MCM3AP: variants seen among roughly 807,000 people sequenced by gnomAD.
The protein encoded by MCM3AP is germinal-center associated nuclear protein.
MCM3AP carries 126 observed loss-of-function variants against 184.1 expected under a neutral mutation model. That is an observed-to-expected ratio of 0.68 (90% CI 0.59 to 0.79). MCM3AP has a LOEUF of 0.79. Among genes scored for constraint, MCM3AP ranks in the 30% least tolerant of loss-of-function variants. The pLI is 0.00. For synonymous variants in MCM3AP, 1,002 were observed against 979.3 expected, an observed-to-expected ratio of 1.02 and a Z score of -0.43; for missense variants, 2,496 against 2,479.2, an observed-to-expected ratio of 1.01 and a Z score of -0.14.
Position 46,280,530 on chromosome 21 carries a change from C to G in MCM3AP, c.1489G>C (p.Asp497His). 7 of 1,612,870 alleles carry G rather than the reference C, an allele frequency of 4.3e-6. No individual in the cohort carries two copies. The highest frequency in any genetic ancestry group is 5.9e-6 in the Non-Finnish European group (7 of 1,179,150). The change falls in exon 3 of 28, where the codon GAC (aspartate) becomes CAC (histidine). Residue 497 changes from aspartate to histidine, a missense_variant. Physicochemically the swap from Asp to His is moderately conservative, Grantham distance 81. Coordinates refer to ENST00000291688, the MANE Select transcript of MCM3AP (RefSeq NM_003906.5). The part of the protein sequence containing the change: ...ARKKGKSLHK[D>H]MAIFWHRKKI... ...TTCCTGTGCCAAAAGATAGCCATGT[C>G]TTTATGCAAACTTTTCCCCTTCTTT... is the stretch of plus-strand genomic sequence containing the variant.
Position 46,240,796 on chromosome 21 carries a change from G to A in MCM3AP, c.5633+15C>T, listed in dbSNP as rs1569049718. 3 of 1,610,764 alleles carry A rather than the reference G, an allele frequency of 1.9e-6. No homozygotes were observed. Among genetic ancestry groups the A allele is most frequent in the Non-Finnish European group, 8.5e-7 (1 of 1,177,866 alleles). On this transcript the variant is annotated intron_variant, in intron 26 of 27. Coordinates refer to ENST00000291688, the MANE Select transcript of MCM3AP (RefSeq NM_003906.5). ...CAGACTAAACACACATGAATTAGAAGGAAGTGGGCTTCACCTCTTGTTCTC... is the reference window on the plus strand; with the variant it reads ...CAGACTAAACACACATGAATTAGAAAGAAGTGGGCTTCACCTCTTGTTCTC...
chr21:46,244,115 T>C (rs1282257935), intron 23 of MCM3AP, among the ~76,000 whole-genome samples: 1 of 152,246 alleles, frequency 6.6e-6, no homozygotes, highest in African/African-American at 2.4e-5. Context: ...CCTTCAATAA[T>C]GAGCATGAGT....
rs1273503798 is a variant in MCM3AP at position 46,265,321 on chromosome 21, C to A, written c.3234G>T (p.Glu1078Asp). The change falls in exon 12 of 28, where the codon GAG (glutamate) becomes GAT (aspartate). Residue 1078 changes from glutamate to aspartate, a missense_variant and splice_region_variant. Around this residue, in one of 5 missense-constraint regions of MCM3AP, gnomAD observed 1,323 missense variants for 1,273.4 expected, o/e 1.04. Transcript: ENST00000291688. ...AGACCTAGAAAAAAAGAGTCCCTAC[C>A]TCGTCAGAGTACATGGGCACGGGCT... is the stretch of plus-strand genomic sequence containing the variant. ...PPEPVPMYSD[E>D]DLAQVVDELI... 11 of 1,613,756 alleles carry A rather than the reference C, an allele frequency of 6.8e-6. No individual in the cohort carries two copies. The highest frequency in any genetic ancestry group is 9.3e-6 in the Non-Finnish European group (11 of 1,179,922).
intron 25 of MCM3AP, chr21:46,241,321 C>T (rs3788252): frequency 0.43 from 116,865 of 269,346 alleles, 25,927 homozygotes; most frequent in Admixed American, 0.5. Flanking sequence ...GTTTTTGGAG[C>T]TTCTCTGCTT....
rs754795481 is a variant in MCM3AP, at chr21:46,284,870, A to C, written c.417T>G (p.Phe139Leu). ...GTTTAAAGCTGAATTCTGTTTTCCC[A>C]AAACCAGAGTTCACTATTTCTCCAG... ...QEAGEIVNSG[F>L]GKTEFSFKPL... The change falls in exon 1 of 28, where the codon TTT becomes TTG. Residue 139 changes from phenylalanine to leucine, a missense_variant. This residue lies in a region of MCM3AP where 800 missense variants were observed against 717.1 expected (regional missense o/e 1.12). Coordinates refer to ENST00000291688, the MANE Select transcript of MCM3AP (RefSeq NM_003906.5). 1.2e-6 allele frequency: 2 copies of C among 1,614,158 alleles called. No individual in the cohort carries two copies. The highest frequency in any genetic ancestry group is 3.3e-5 in the Admixed American group (2 of 60,024).
At chr21:46,261,455 C>T (rs1295232584) in intron 13 of MCM3AP, 44 bp from the exon 14 acceptor site, 19 of 1,600,832 alleles carry the variant, frequency 1.2e-5, no homozygotes, top group Admixed American at 1.7e-5. Flanking sequence ...AGAGTCAAGG[C>T]CGGGTGCGGT....
In MCM3AP at chr21:46,277,697, C is replaced by T. The variant is rs752179890; in HGVS notation, c.1688G>A (p.Ser563Asn). Residue 563 changes from serine (S) to asparagine (N), a missense_variant, in exon 5 of 28, where the codon AGT becomes AAT. Coordinates refer to ENST00000291688, the MANE Select transcript of MCM3AP (RefSeq NM_003906.5). The part of the protein sequence containing the change: ...LNKSSPVKKP[S>N]LLKAHQFEGD... ...CTCGAATTGGTGGGCCTTTAGAAGA[C>T]TTGGCTTCTTCACTGGAGAGCTATA... 29 of 1,592,358 alleles carry T rather than the reference C, an allele frequency of 1.8e-5. No individual in the cohort carries two copies. The highest frequency in any genetic ancestry group is 1.7e-4 in the Middle Eastern group (1 of 5,982).
At chr21:46,278,894 C>T (rs1038956231) in intron 4 of MCM3AP, among the ~76,000 whole-genome samples, 3 of 148,670 alleles carry the variant, frequency 2.0e-5, no homozygotes, top group African/African-American at 5.0e-5. Context: ...AGGATGGTCT[C>T]AATCTCCTGA....
Position 46,285,205 on chromosome 21 carries a change from T to G in MCM3AP, c.82A>C (p.Lys28Gln), listed in dbSNP as rs149326194. The G allele has an allele frequency of 1.3e-4, 217 of 1,614,122 alleles. 1 individual carries two copies. Among genetic ancestry groups the G allele is most frequent in the Admixed American group, 2.8e-4 (17 of 60,012 alleles). The change falls in exon 1 of 28, where the codon AAG (lysine) becomes CAG (glutamine). Residue 28 changes from lysine to glutamine, a missense_variant. Physicochemically the swap from Lys to Gln is moderately conservative, Grantham distance 53. Coordinates refer to ENST00000291688, the MANE Select transcript of MCM3AP (RefSeq NM_003906.5). Reference sequence around the variant, plus strand: ...GGTTGACCAAATCGAAATGGCGGCTTAGATGGAAGTGTTCCTACATTACTA... The same window carrying G: ...GGTTGACCAAATCGAAATGGCGGCTGAGATGGAAGTGTTCCTACATTACTA... The part of the protein sequence containing the change: ...SSSNVGTLPS[K>Q]PPFRFGQPSL...
At position 46,244,806 on chromosome 21, in the gene MCM3AP, C is replaced by T. The variant is rs1407813574; in HGVS notation, c.5038+1G>A. Reference sequence around the variant, plus strand: ...CAGACCTCCCCAGGTCAAGCACGTACCCCCCAGGGGTGGAAGGTCCATCTG... The same window carrying T: ...CAGACCTCCCCAGGTCAAGCACGTATCCCCCAGGGGTGGAAGGTCCATCTG... On this transcript the variant is annotated splice_donor_variant, in intron 23 of 27. Transcript: ENST00000291688. LOFTEE classifies it high-confidence loss of function. The T allele has an allele frequency of 6.2e-7, 1 of 1,606,446 alleles. No individual in the cohort carries two copies. Among genetic ancestry groups the T allele is most frequent in the Non-Finnish European group, 8.5e-7 (1 of 1,175,538 alleles).
intron 24 of MCM3AP, 78 bp downstream of exon 24, chr21:46,243,387 C>G (rs1231538199): frequency 1.3e-6 from 2 of 1,492,892 alleles, no homozygotes; most frequent in Non-Finnish European, 1.8e-6. Context: ...GCAACATCAA[C>G]TAAACATCTT....
At chr21:46,262,383 C>T (rs1417896788) in intron 13 of MCM3AP, among the ~76,000 whole-genome samples, 1 of 152,184 alleles carries the variant, frequency 6.6e-6, no homozygotes, top group Non-Finnish European at 1.5e-5. Flanking sequence ...CACAGTGGCT[C>T]ATGCCTGTCA....
intron 16 of MCM3AP, among the ~76,000 whole-genome samples, chr21:46,258,538 C>T (rs1043825622): frequency 6.6e-6 from 1 of 152,104 alleles, no homozygotes; most frequent in African/African-American, 2.4e-5. Flanking sequence ...TGTATATTCC[C>T]TATTAATTGC....
At position 46,280,688 on chromosome 21, in the gene MCM3AP, C is replaced by T. The variant is rs1024240241; in HGVS notation, c.1444-113G>A. On this transcript the variant is annotated intron_variant, in intron 2 of 27. Transcript: ENST00000291688. ...AGACCATTCAAAGGCACCAGGAGCT[C>T]CTGTCCTTTGCACGACAGTGATTTC... is the stretch of plus-strand genomic sequence containing the variant. 9.9e-6 allele frequency: 7 copies of T among 709,374 alleles called. No homozygotes were observed. The African/African-American group carries it at 1.2e-4, about 13-fold the overall frequency. 43.9% of individuals were successfully genotyped at this position (709,374 alleles called of 1,614,324 possible).
intron 9 of MCM3AP, chr21:46,267,735 A>C (rs2081131628): frequency 6.6e-6 from 1 of 152,042 alleles, no homozygotes; most frequent in Non-Finnish European, 1.5e-5. Context: ...CTATAAAAAA[A>C]AATTTGTTTT....
At position 46,270,453 on chromosome 21, in the gene MCM3AP, A is replaced by C. The variant is rs1299831516; in HGVS notation, c.2576T>G (p.Val859Gly). 6.2e-7 allele frequency: 1 copy of C among 1,613,922 alleles called. No homozygotes were observed. The highest frequency in any genetic ancestry group is 1.7e-5 in the Admixed American group (1 of 59,980). The change falls in exon 9 of 28, where the codon GTC (valine) becomes GGC (glycine). Residue 859 changes from valine (V) to glycine (G), a missense_variant. Physicochemically the swap from Val to Gly is moderately radical, Grantham distance 109. This residue lies in a region of MCM3AP where 138 missense variants were observed against 191.9 expected (regional missense o/e 0.72). Transcript: ENST00000291688. ...SNNFVRFFKL[V>G]QSASYLNACL... Reference sequence around the variant, plus strand: ...AGCGTTCAGGTAAGAAGCTGACTGGACCAGTTTGAAAAATCTCACAAAATT... The same window carrying C: ...AGCGTTCAGGTAAGAAGCTGACTGGCCCAGTTTGAAAAATCTCACAAAATT...
Position 46,266,021 on chromosome 21 carries a change from G to C in MCM3AP, c.2935C>G (p.Pro979Ala). The C allele has an allele frequency of 6.2e-7, 1 of 1,611,498 alleles. No homozygotes were observed. The highest frequency in any genetic ancestry group is 8.5e-7 in the Non-Finnish European group (1 of 1,178,832). Residue 979 changes from proline to alanine, a missense_variant, in exon 11 of 28, where the codon CCT becomes GCT. Pro to Ala is a conservative substitution (Grantham distance 27). This residue lies in a region of MCM3AP where 1,323 missense variants were observed against 1,273.4 expected (regional missense o/e 1.04). Transcript: ENST00000291688. ...GPLPPVPRHT[P>A]VCSFNSQNKY... ...TTCTGGGAGTTGAAGCTGCACACAG[G>C]GGTATGACGAGGGACGGGGGGCAAT...
intron 20 of MCM3AP, chr21:46,249,460 A>G (rs1487928816): frequency 2.6e-6 from 1 of 379,144 alleles, no homozygotes; most frequent in Non-Finnish European, 5.2e-6. Context: ...AAGTGCTGGG[A>G]TTACAGGCAT....
At chr21:46,257,509 A>G (rs2145652931) in intron 16 of MCM3AP, among the ~76,000 whole-genome samples, 1 of 150,734 alleles carries the variant, frequency 6.6e-6, no homozygotes, top group South Asian at 2.1e-4. Context: ...AGATACATAT[A>G]TCCCTTGACC....
Sources: gnomAD v4.1 joint callset for allele counts (sites outside exome capture counted in the v4.1 genomes callset) on GRCh38, gnomAD v4.1.1 for gene constraint, gnomAD v4.1.1 regional missense constraint, MANE v1.5 for transcripts, NCBI Gene and HGNC (gene_info 2026-07-23, HGNC 2026-07-21) for gene names.